Variants in FBXO25 observed in about 807,000 individuals in gnomAD.
The protein encoded by FBXO25 is F-box protein 25.
A neutral mutation model predicts 51.9 loss-of-function variants in FBXO25; 45 were observed. The ratio of observed to expected loss-of-function variants is 0.87; its 90% CI spans 0.68 to 1.11. The LOEUF (loss-of-function observed/expected upper bound fraction) is 1.11, where lower values mean the gene tolerates loss of function less well. Ranked by LOEUF, FBXO25 falls within the 50% of genes most tolerant of loss-of-function variation. The pLI, the probability that FBXO25 is intolerant of heterozygous loss-of-function variation, is 0.00. For missense variants in FBXO25, 507 were observed against 428.5 expected (o/e 1.18, Z -1.62); for synonymous variants, 199 against 151.0 (o/e 1.32, Z -2.33).
Position 475,228 on chromosome 8 carries a change from A to G in FBXO25, c.*6424A>G, listed in dbSNP as rs990029602. ...CCTTTCTCCCTTGAATGGTCTTGGC[A>G]CCATCAAAAATCATTTGACCCATAT... is the stretch of plus-strand genomic sequence containing the variant. On this transcript the variant is annotated 3_prime_UTR_variant, in exon 10 of 10. Transcript: ENST00000350302. The G allele has an allele frequency of 2.5e-5, 7 of 284,346 alleles. No individual in the cohort carries two copies. Among genetic ancestry groups the G allele is most frequent in the Non-Finnish European group, 4.7e-5 (7 of 148,854 alleles). 17.6% of individuals were successfully genotyped at this position (284,346 alleles called of 1,614,324 possible). A position where few individuals can be genotyped will look rare whatever the true frequency, so the allele number is the denominator to read the frequency against.
At chr8:442,087 C>G (rs960403479) in intron 5 of FBXO25, among the ~76,000 whole-genome samples, 1 of 152,064 alleles carries the variant, frequency 6.6e-6, no homozygotes, top group Non-Finnish European at 1.5e-5. Flanking sequence ...GCTAATCAGG[C>G]TTTTGTTTGC....
intron 5 of FBXO25, among the ~76,000 whole-genome samples, chr8:438,843 C>T (rs1798250094): frequency 6.6e-6 from 1 of 152,218 alleles, no homozygotes; most frequent in Non-Finnish European, 1.5e-5. Flanking sequence ...CTTGGCCTCA[C>T]CGCCCCCATC....
intron 8 of FBXO25, among the ~76,000 whole-genome samples, chr8:459,322 C>G (rs558931180): frequency 5.3e-4 from 80 of 152,324 alleles, no homozygotes; most frequent in African/African-American, 1.9e-3. Flanking sequence ...GGAGCATAGC[C>G]TACCCTTGGA....
chr8:442,284 A>G (rs147742151), intron 5 of FBXO25, among the ~76,000 whole-genome samples: 311 of 120,020 alleles, frequency 2.6e-3, no homozygotes, highest in African/African-American at 8.8e-3. Context: ...AGTTACTCCA[A>G]TTATTTTTTT....
In FBXO25 at chr8:470,695, T is replaced by G. The variant is rs1800454811; in HGVS notation, c.*1891T>G. On this transcript the variant is annotated 3_prime_UTR_variant, in exon 10 of 10. Transcript: ENST00000350302. ...CACGTCCAGCTGAGAAAAGAAATTG[T>G]TCTAATCTAGGAAAGGGAGTAAGTA... 6.6e-6 allele frequency: 1 copy of G among 152,200 alleles called. No individual in the cohort carries two copies. The highest frequency in any genetic ancestry group is 6.5e-5 in the Admixed American group (1 of 15,288). 9.4% of individuals were successfully genotyped at this position (152,200 alleles called of 1,614,324 possible).
chr8:423,380 G>T (rs1237026033), intron 2 of FBXO25, among the ~76,000 whole-genome samples: 2 of 152,126 alleles, frequency 1.3e-5, no homozygotes, highest in Non-Finnish European at 2.9e-5. Flanking sequence ...CTGGGGTTTG[G>T]AGTACAGATC....
At chr8:422,757 G>T (rs933756197) in intron 2 of FBXO25, among the ~76,000 whole-genome samples, 22 of 152,184 alleles carry the variant, frequency 1.4e-4, no homozygotes, top group African/African-American at 4.3e-4. Flanking sequence ...TCTGGGGCCT[G>T]CGTCAGCACA....
intron 5 of FBXO25, among the ~76,000 whole-genome samples, chr8:444,832 G>A (rs901341003): frequency 6.6e-6 from 1 of 152,104 alleles, no homozygotes; most frequent in African/African-American, 2.4e-5. Flanking sequence ...TTAATATGTT[G>A]TATAGGTCTG....
chr8:437,257 C>G (rs577297978), intron 5 of FBXO25, among the ~76,000 whole-genome samples: 1 of 152,202 alleles, frequency 6.6e-6, no homozygotes, highest in African/African-American at 2.4e-5. Flanking sequence ...GTGCTGTGCA[C>G]TCATGTACCA....
chr8:432,809 A>G (rs546043391), intron 3 of FBXO25, 77 bp from the exon 4 acceptor site: 62 of 1,416,738 alleles, frequency 4.4e-5, no homozygotes, highest in Non-Finnish European at 5.5e-5. Context: ...AACATGTCCA[A>G]TTATTTAAAT....
At chr8:459,446 C>G (rs1799664863) in intron 8 of FBXO25, among the ~76,000 whole-genome samples, 1 of 152,218 alleles carries the variant, frequency 6.6e-6, no homozygotes, top group Non-Finnish European at 1.5e-5. Context: ...CACTAAGAAT[C>G]CTTGTCTGTG....
chr8:438,341 G>A (rs1205766451), intron 5 of FBXO25, among the ~76,000 whole-genome samples: 2 of 152,194 alleles, frequency 1.3e-5, no homozygotes, highest in African/African-American at 4.8e-5. Flanking sequence ...TTACAGGTGT[G>A]AGCCACCATG....
At chr8:437,203 C>G (rs963928257) in intron 5 of FBXO25, among the ~76,000 whole-genome samples, 4 of 152,160 alleles carry the variant, frequency 2.6e-5, no homozygotes, top group African/African-American at 7.2e-5. Flanking sequence ...TTCTGTCGGT[C>G]ATTTGTCTAA....
intron 1 of FBXO25, among the ~76,000 whole-genome samples, chr8:410,842 A>C (rs4481570): frequency 0.072 from 10,918 of 152,268 alleles, 407 homozygotes; most frequent in African/African-American, 0.094. Context: ...ACTATAAGTC[A>C]GTTTAGCAAG....
chr8:475,955 G>C lies in FBXO25; in HGVS notation c.*7151G>C, dbSNP rs1051514904. ...AGAAGTGGTGAGACAGGGTATTTCTGTGTTGTTCTTGATCTTAAAGTCCTT... is the reference window on the plus strand; with the variant it reads ...AGAAGTGGTGAGACAGGGTATTTCTCTGTTGTTCTTGATCTTAAAGTCCTT... On this transcript the variant is annotated 3_prime_UTR_variant, in exon 10 of 10. Transcript: ENST00000350302. 6.6e-6 allele frequency: 1 copy of C among 152,140 alleles called. No individual in the cohort carries two copies. Among genetic ancestry groups the C allele is most frequent in the Non-Finnish European group, 1.5e-5 (1 of 68,000 alleles). The allele number at this position is 152,140 out of a possible 1,614,324, so 9.4% of individuals were successfully genotyped here.
At chr8:437,751 T>G (rs1376966268) in intron 5 of FBXO25, among the ~76,000 whole-genome samples, 1 of 151,964 alleles carries the variant, frequency 6.6e-6, no homozygotes, top group Non-Finnish European at 1.5e-5. Flanking sequence ...TTTTTTTTTT[T>G]TTTTACTTTA....
At chr8:419,496 C>G (rs574303987) in intron 2 of FBXO25, among the ~76,000 whole-genome samples, 26 of 152,160 alleles carry the variant, frequency 1.7e-4, no homozygotes, top group African/African-American at 5.8e-4. Context: ...CCAGATAAGT[C>G]CATACAGATA....
rs1246176995 is a variant in FBXO25 at position 464,754 on chromosome 8, A to T, written c.987+1604A>T. ...AGATGTGTTTTTCTTGTATTATTTT[A>T]ATAGTTTTATTTGGTATATCAAAGG... is the stretch of plus-strand genomic sequence containing the variant. On this transcript the variant is annotated intron_variant, in intron 9 of 9. Transcript: ENST00000350302. 1.6e-4 allele frequency among the ~76,000 whole-genome samples: 24 copies of T among 152,162 alleles called. 1 individual carries two copies. The highest frequency in any genetic ancestry group is 1.6e-3 in the Admixed American group (24 of 15,274).
At chr8:429,259 C>G (rs1365507031) in intron 2 of FBXO25, among the ~76,000 whole-genome samples, 1 of 152,060 alleles carries the variant, frequency 6.6e-6, no homozygotes, top group African/African-American at 2.4e-5. Flanking sequence ...GAGGTAGTAT[C>G]TCATCGTAGT....
Sources: allele counts gnomAD v4.1 joint callset (sites outside exome capture counted in the v4.1 genomes callset), GRCh38; gene constraint gnomAD v4.1.1; transcripts MANE v1.5; gene names NCBI Gene and HGNC (gene_info 2026-07-23, HGNC 2026-07-21).